HIF3A: variants seen among roughly 807,000 people sequenced by gnomAD.
HIF3A encodes the protein hypoxia inducible factor 3 subunit alpha, also known as hypoxia-inducible factor 3-alpha.
In HIF3A, 41 loss-of-function variants were observed where a neutral mutation model predicts 67.2. That is an observed-to-expected ratio of 0.61 (90% confidence interval 0.48 to 0.79). HIF3A has a LOEUF of 0.79. HIF3A is among the 30% of genes least tolerant of loss of function. The probability of loss-of-function intolerance (pLI) is 0.00; values close to 1 mark genes in which losing one functional copy is unlikely to be tolerated. For missense variants in HIF3A, 855 were observed against 898.0 expected (o/e 0.95, Z 0.61); for synonymous variants, 356 against 374.8 (o/e 0.95, Z 0.58).
Position 46,312,406 on chromosome 19 carries a change from G to A in HIF3A, c.878-100G>A, listed in dbSNP as rs748019402. The A allele has an allele frequency of 2.1e-5, 34 of 1,608,874 alleles. No individual in the cohort carries two copies. In the African/African-American group the frequency reaches 2.5e-4, roughly 12 times the overall value. ...AGCTCCCTGCTCCCCAAGCCCCAAG[G>A]AACTGTCTCCTTCCTTGCCCCCTCA... On this transcript the variant is annotated intron_variant, in intron 7 of 14. Coordinates refer to ENST00000377670, the MANE Select transcript of HIF3A (RefSeq NM_152795.4).
intron 6 of HIF3A, 61 bp downstream of exon 6, chr19:46,309,420 C>T: frequency 9.7e-7 from 1 of 1,028,956 alleles, no homozygotes; most frequent in Non-Finnish European, 1.4e-6. Context: ...TCCCCACCTC[C>T]ACACTCCCGC....
chr19:46,299,404 T>G (rs2147100403), intron 1 of HIF3A, among the ~76,000 whole-genome samples: 1 of 152,338 alleles, frequency 6.6e-6, no homozygotes, highest in African/African-American at 2.4e-5. Flanking sequence ...ACTGCCGCTC[T>G]GAGCCTCACT....
chr19:46,332,881 C>G (rs1971338257), intron 13 of HIF3A, among the ~76,000 whole-genome samples: 1 of 151,540 alleles, frequency 6.6e-6, no homozygotes, highest in Non-Finnish European at 1.5e-5. Flanking sequence ...ACTCGGAAGG[C>G]TAAGGCACAA....
At position 46,312,661 on chromosome 19, in the gene HIF3A, G is replaced by A. The variant is rs753740714; in HGVS notation, c.1025+8G>A. On this transcript the variant is annotated splice_region_variant and intron_variant, in intron 8 of 14. Coordinates refer to ENST00000377670, the MANE Select transcript of HIF3A (RefSeq NM_152795.4). Reference sequence around the variant, plus strand: ...TGTCCATTTTTTAATCAGGTAAGCAGGAGGAGGGGCTGGGGTGGCTGTGTG... The same window carrying A: ...TGTCCATTTTTTAATCAGGTAAGCAAGAGGAGGGGCTGGGGTGGCTGTGTG... The A allele has an allele frequency of 6.5e-7, 1 of 1,548,690 alleles. No homozygotes were observed. Among genetic ancestry groups the A allele is most frequent in the Non-Finnish European group, 8.7e-7 (1 of 1,146,176 alleles).
At chr19:46,338,135 G>T (rs1971760632) in intron 14 of HIF3A, 3 of 451,436 alleles carry the variant, frequency 6.6e-6, no homozygotes, top group Admixed American at 2.4e-5. Flanking sequence ...CATCCATCCT[G>T]GTCACTGCTG....
At chr19:46,333,784 C>CT (rs1971409521) in intron 13 of HIF3A, among the ~76,000 whole-genome samples, 2 of 128,020 alleles carry the variant, frequency 1.6e-5, no homozygotes, top group African/African-American at 6.2e-5. Flanking sequence ...TCTTTTCTTT[C>CT]TTTCTTTTTT....
chr19:46,311,554 T>C (rs1568513432), intron 6 of HIF3A, among the ~76,000 whole-genome samples: 1 of 152,108 alleles, frequency 6.6e-6, no homozygotes, highest in Non-Finnish European at 1.5e-5. Flanking sequence ...CCTGCATCCA[T>C]CTCCCTATCT....
At chr19:46,324,936 A>G (rs1349841957) in intron 10 of HIF3A, among the ~76,000 whole-genome samples, 1 of 137,624 alleles carries the variant, frequency 7.3e-6, no homozygotes, top group Non-Finnish European at 1.6e-5. Flanking sequence ...ATACACATAT[A>G]TATATACATA....
intron 7 of HIF3A, 25 bp downstream of exon 7, chr19:46,312,292 C>T (rs181266954): frequency 4.0e-5 from 65 of 1,613,844 alleles, no homozygotes; most frequent in Admixed American, 2.8e-4. Flanking sequence ...TCCCCAGGTG[C>T]GAAGCCAGCT....
chr19:46,297,188 GTTC>G lies in HIF3A; in HGVS notation c.26+87_26+89del. 1.5e-6 allele frequency: 1 copy of G among 653,066 alleles called. No homozygotes were observed. The highest frequency in any genetic ancestry group is 2.2e-6 in the Non-Finnish European group (1 of 446,104). The allele number at this position is 653,066 out of a possible 1,614,324, so 40.5% of individuals were successfully genotyped here. ...GAGCTGGATTGTTGGGGGGGGTGGGGTTCGCGGGTGCGAGCCAAGAACGCCCCG... is the reference window on the plus strand; with the variant it reads ...GAGCTGGATTGTTGGGGGGGGTGGGGGCGGGTGCGAGCCAAGAACGCCCCG... On this transcript the variant is annotated intron_variant, in intron 1 of 14. Transcript: ENST00000377670. The surrounding 1 kb of genome is among the most constrained non-coding windows in gnomAD (Gnocchi z 4.5).
At chr19:46,330,151 G>A (rs139703633) in intron 12 of HIF3A, among the ~76,000 whole-genome samples, 7 of 152,242 alleles carry the variant, frequency 4.6e-5, no homozygotes, top group Middle Eastern at 3.4e-3. Context: ...TTATCCTTAT[G>A]GATACATCTT....
intron 3 of HIF3A, 93 bp downstream of exon 3, chr19:46,305,483 G>A: frequency 7.4e-6 from 9 of 1,215,266 alleles, no homozygotes; most frequent in Non-Finnish European, 1.1e-5. Flanking sequence ...ACCTTTATGG[G>A]ACTCACAATA....
intron 14 of HIF3A, chr19:46,338,447 C>A (rs975472932): frequency 1.7e-5 from 15 of 880,812 alleles, no homozygotes; most frequent in Non-Finnish European, 2.2e-5. Flanking sequence ...AAGCGATCCA[C>A]CTGCCTTGGC....
chr19:46,334,761 G>A (rs1156735773), intron 13 of HIF3A, 144 bp from the exon 14 acceptor site: 1 of 566,258 alleles, frequency 1.8e-6, no homozygotes, highest in African/African-American at 1.9e-5. Context: ...TGCCCAGGCT[G>A]GTCTCAAACG....
chr19:46,329,609 C>A, intron 12 of HIF3A, 131 bp downstream of exon 12: 1 of 1,145,526 alleles, frequency 8.7e-7, no homozygotes, highest in Non-Finnish European at 1.2e-6. Flanking sequence ...CCTCGGTGGG[C>A]CCAGCACATG....
chr19:46,320,341 G>A, intron 8 of HIF3A, 102 bp from the exon 9 acceptor site: 1 of 821,002 alleles, frequency 1.2e-6, no homozygotes, highest in Non-Finnish European at 2.0e-6. Flanking sequence ...AAGCCCCTGG[G>A]CGCCATTGCC....
At chr19:46,308,471 G>T in intron 4 of HIF3A, 166 bp downstream of exon 4, 1 of 633,896 alleles carries the variant, frequency 1.6e-6, no homozygotes. Flanking sequence ...CCTGCCCTGG[G>T]GGGGTCTGAG....
At chr19:46,334,852 C>T in intron 13 of HIF3A, 53 bp from the exon 14 acceptor site, 2 of 1,471,644 alleles carry the variant, frequency 1.4e-6, no homozygotes, top group East Asian at 2.3e-5. Flanking sequence ...CCCGGCTGTT[C>T]CTTGGATACT....
At chr19:46,325,380 G>T (rs1970705532) in intron 10 of HIF3A, among the ~76,000 whole-genome samples, 155 bp from the exon 11 acceptor site, 1 of 151,986 alleles carries the variant, frequency 6.6e-6, no homozygotes, top group South Asian at 2.1e-4. Flanking sequence ...TGAACACCCA[G>T]GTTCAAAACT....
Sources: gnomAD v4.1 joint callset for allele counts (sites outside exome capture counted in the v4.1 genomes callset) on GRCh38, gnomAD v4.1.1 for gene constraint, Gnocchi (gnomAD v3.1) non-coding constraint, MANE v1.5 for transcripts, NCBI Gene and HGNC (gene_info 2026-07-23, HGNC 2026-07-21) for gene names.